The following DIAPH2 variants were observed in gnomAD, a reference collection of about 807,000 sequenced individuals.
The protein encoded by DIAPH2 is protein diaphanous homolog 2.
A neutral mutation model predicts 92.7 loss-of-function variants in DIAPH2; 35 were observed. The ratio of observed to expected loss-of-function variants is 0.38; its 90% CI spans 0.29 to 0.50. The LOEUF (loss-of-function observed/expected upper bound fraction) is 0.50, where lower values mean the gene tolerates loss of function less well. Ranked by LOEUF, DIAPH2 falls within the 20% of genes least tolerant of loss-of-function variation. The probability of loss-of-function intolerance (pLI) is 0.94; values close to 1 mark genes in which losing one functional copy is unlikely to be tolerated. For missense variants in DIAPH2, 701 were observed against 819.5 expected (o/e 0.86, Z 1.77); for synonymous variants, 301 against 280.4 (o/e 1.07, Z -0.73).
intron 26 of DIAPH2, among the ~76,000 whole-genome samples, chrX:97,580,459 G>A (rs1569428288): frequency 9.8e-6 from 1 of 102,478 alleles, no homozygotes; most frequent in African/African-American, 3.6e-5. Context: ...CTGTTTATAT[G>A]CTGGATTACA....
At chrX:97,450,863 GCCT>G (rs1394095284) in intron 26 of DIAPH2, among the ~76,000 whole-genome samples, 1 of 101,620 alleles carries the variant, frequency 9.8e-6, no homozygotes, top group Non-Finnish European at 2.0e-5. Context: ...CACAGGATAA[GCCT>G]CCTATACAAT....
chrX:97,560,487 C>T (rs765774631), intron 26 of DIAPH2, among the ~76,000 whole-genome samples: 49 of 110,746 alleles, frequency 4.4e-4, no homozygotes, highest in African/African-American at 1.5e-3. Context: ...ATATTCTTTT[C>T]CAACTGTGTC....
intron 24 of DIAPH2, among the ~76,000 whole-genome samples, chrX:97,358,034 G>T (rs2147701938): frequency 8.9e-6 from 1 of 111,827 alleles, no homozygotes; most frequent in South Asian, 3.8e-4. Context: ...TTTCCATGCT[G>T]AGTTCAAAGT....
In DIAPH2 at chrX:96,896,286, T is replaced by G; in HGVS notation, c.587+14568T>G. On this transcript the variant is annotated intron_variant, in intron 5 of 26. Transcript: ENST00000324765. Reference sequence around the variant, plus strand: ...ATAACCATTGGTGATATTTTTAATATATTAACTTTTATCCAATATTTGTTC... The same window carrying G: ...ATAACCATTGGTGATATTTTTAATAGATTAACTTTTATCCAATATTTGTTC... 2.7e-5 allele frequency among the ~76,000 whole-genome samples: 3 copies of G among 112,080 alleles called. No individual in the cohort carries two copies. In the South Asian group the frequency reaches 1.1e-3, roughly 41 times the overall value.
intron 4 of DIAPH2, among the ~76,000 whole-genome samples, chrX:96,771,216 A>G (rs983597830): frequency 8.0e-5 from 9 of 111,943 alleles, no homozygotes; most frequent in Admixed American, 2.8e-4. Context: ...TTGAAAATTG[A>G]TTATATTAAT....
chrX:97,038,438 TTTTCCATAGTCATTTTACTAA>T (rs1262170723), intron 17 of DIAPH2, among the ~76,000 whole-genome samples: 1 of 111,563 alleles, frequency 9.0e-6, no homozygotes, highest in Non-Finnish European at 1.9e-5. Context: ...CTCCATACTG[TTTTCCATAGTCATTTTACTAA>T]TTTACATTCC....
At chrX:96,732,900 G>T (rs182516892) in intron 1 of DIAPH2, among the ~76,000 whole-genome samples, 73 of 111,982 alleles carry the variant, frequency 6.5e-4, no homozygotes, top group African/African-American at 2.3e-3. Context: ...TTGGGAAGAG[G>T]ATTTTAATTT....
intron 23 of DIAPH2, among the ~76,000 whole-genome samples, chrX:97,343,018 G>A (rs996544564): frequency 1.8e-5 from 2 of 111,876 alleles, no homozygotes; most frequent in African/African-American, 6.5e-5. Context: ...AGAATGGCAT[G>A]AGCTTACATT....
chrX:97,001,712 G>T (rs948070830), intron 17 of DIAPH2, among the ~76,000 whole-genome samples: 6 of 111,553 alleles, frequency 5.4e-5, no homozygotes, highest in African/African-American at 1.6e-4. Flanking sequence ...TTAGTATGGA[G>T]TGTATCAGTG....
intron 4 of DIAPH2, among the ~76,000 whole-genome samples, chrX:96,828,881 A>G (rs1207537931): frequency 2.7e-5 from 3 of 111,931 alleles, no homozygotes; most frequent in African/African-American, 9.7e-5. Flanking sequence ...TGTTTGGAAT[A>G]TAAATGGATA....
chrX:97,068,260 C>T (rs1027020072), intron 17 of DIAPH2, among the ~76,000 whole-genome samples: 1 of 111,509 alleles, frequency 9.0e-6, no homozygotes, highest in Non-Finnish European at 1.9e-5. Flanking sequence ...TGTAAAATGA[C>T]AGTGGTTAAT....
intron 22 of DIAPH2, among the ~76,000 whole-genome samples, chrX:97,242,610 C>T (rs986246185): frequency 9.1e-6 from 1 of 109,972 alleles, no homozygotes; most frequent in Non-Finnish European, 1.9e-5. Flanking sequence ...AAACGATCCA[C>T]CCGCCTCAGC....
intron 23 of DIAPH2, among the ~76,000 whole-genome samples, chrX:97,258,090 G>T (rs1021408779): frequency 9.0e-6 from 1 of 111,161 alleles, no homozygotes; most frequent in Admixed American, 9.6e-5. Flanking sequence ...TCAAAATGTA[G>T]TGAATGCTTG....
chrX:97,191,331 A>G (rs752556511), intron 22 of DIAPH2, among the ~76,000 whole-genome samples: 3 of 108,515 alleles, frequency 2.8e-5, no homozygotes, highest in Non-Finnish European at 5.7e-5. Context: ...TCTCTCAAAA[A>G]AAAAAAGAAA....
chrX:96,732,538 C>G (rs773335383), intron 1 of DIAPH2, among the ~76,000 whole-genome samples: 1 of 111,997 alleles, frequency 8.9e-6, no homozygotes, highest in African/African-American at 3.2e-5. Flanking sequence ...GATATCCACT[C>G]TAGTTGAATG....
chrX:97,069,124 G>A (rs955707575), intron 17 of DIAPH2, among the ~76,000 whole-genome samples: 3 of 110,168 alleles, frequency 2.7e-5, no homozygotes, highest in Non-Finnish European at 3.8e-5. Context: ...CACCACGCCC[G>A]GCTAATTTTG....
At chrX:97,374,416 A>G (rs1301386676) in intron 24 of DIAPH2, among the ~76,000 whole-genome samples, 1 of 111,981 alleles carries the variant, frequency 8.9e-6, no homozygotes, top group African/African-American at 3.3e-5. Context: ...GCACCTAACT[A>G]CTTGAGCAAG....
intron 5 of DIAPH2, among the ~76,000 whole-genome samples, chrX:96,901,901 G>A (rs189041937): frequency 2.2e-4 from 25 of 111,268 alleles, no homozygotes; most frequent in Non-Finnish European, 4.0e-4. Flanking sequence ...TGCTCTTTCA[G>A]ACTTTTTGAT....
rs778062384 is a variant in DIAPH2, at chrX:96,860,072, C to T, written c.448-21507C>T. ...TCTGCCTGTAAATCTGGCTCCATAA[C>T]TCATATTGTGTACCAAAATCATAGA... On this transcript the variant is annotated intron_variant, in intron 4 of 26. Transcript: ENST00000324765. Among the ~76,000 whole-genome samples, 6 of 112,207 alleles carry T rather than the reference C, an allele frequency of 5.3e-5. No individual in the cohort carries two copies. The East Asian group carries it at 1.7e-3, about 31-fold the overall frequency.
Sources: allele counts gnomAD v4.1 joint callset (sites outside exome capture counted in the v4.1 genomes callset), GRCh38; gene constraint gnomAD v4.1.1; transcripts MANE v1.5; gene names NCBI Gene and HGNC (gene_info 2026-07-23, HGNC 2026-07-21).